The following TXNRD1 variants were observed in gnomAD, a reference collection of about 807,000 sequenced individuals.
TXNRD1 encodes the protein thioredoxin reductase 1, cytoplasmic.
Under a neutral mutation model 80.3 loss-of-function variants are expected in TXNRD1, and 57 were observed. The observed-to-expected ratio is 0.71, with a 90% CI of 0.57 to 0.89. The LOEUF (loss-of-function observed/expected upper bound fraction) is 0.89. Ranked by LOEUF, TXNRD1 falls within the 40% of genes least tolerant of loss-of-function variation. TXNRD1 has a pLI of 0.00. For missense variants in TXNRD1, 730 were observed against 803.0 expected, an observed-to-expected ratio of 0.91 and a Z score of 1.10; for synonymous variants, 291 against 285.2, an observed-to-expected ratio of 1.02 and a Z score of -0.20.
intron 3 of TXNRD1, among the ~76,000 whole-genome samples, chr12:104,261,131 T>C (rs1213424871): frequency 6.6e-6 from 1 of 152,106 alleles, no homozygotes; most frequent in East Asian, 1.9e-4. Context: ...GTCCCGGTGG[T>C]TCCCCAGTTA....
intron 15 of TXNRD1, among the ~76,000 whole-genome samples, chr12:104,337,273 A>G (rs2036170571): frequency 6.6e-6 from 1 of 152,006 alleles, no homozygotes; most frequent in African/African-American, 2.4e-5. Flanking sequence ...TATGCAATAT[A>G]TTACAGTCCT....
chr12:104,258,070 G>A lies in TXNRD1; in HGVS notation c.295G>A (p.Asp99Asn), dbSNP rs2033294214. 4.5e-6 allele frequency: 7 copies of A among 1,550,266 alleles called. No individual in the cohort carries two copies. The highest frequency in any genetic ancestry group is 6.1e-6 in the Non-Finnish European group (7 of 1,145,162). The change falls in exon 3 of 17, where the codon GAT becomes AAT. Residue 99 changes from aspartate to asparagine, a missense_variant. By Grantham distance (23) the Asp-to-Asn change is conservative. Transcript: ENST00000525566. ...LCVPYFVLEL[D>N]QTEDGRALEG... Reference sequence around the variant, plus strand: ...TGTTCCTTATTTTGTGCTTGAACTTGATCAAACAGGTAAGTTTCTGTTTAA... The same window carrying A: ...TGTTCCTTATTTTGTGCTTGAACTTAATCAAACAGGTAAGTTTCTGTTTAA...
In TXNRD1 at chr12:104,266,896, A is replaced by G. The variant is rs538190313; in HGVS notation, c.304+8817A>G. Among the ~76,000 whole-genome samples, 167 of 152,304 alleles carry G rather than the reference A, an allele frequency of 1.1e-3. 1 individual carries two copies. The highest frequency in any genetic ancestry group is 3.8e-3 in the African/African-American group (160 of 41,560). ...AGAATGGTGTGAACCCGGGAGGCGG[A>G]GCTTGCAATAAGCCAAGATCGAGCC... is the stretch of plus-strand genomic sequence containing the variant. On this transcript the variant is annotated intron_variant, in intron 3 of 16. Transcript: ENST00000525566.
At chr12:104,228,980 A>G (rs1048222076) in intron 1 of TXNRD1, among the ~76,000 whole-genome samples, 7 of 151,616 alleles carry the variant, frequency 4.6e-5, no homozygotes, top group African/African-American at 9.7e-5. Flanking sequence ...CGGCCTCCCA[A>G]AGTAGTGGGA....
intron 3 of TXNRD1, among the ~76,000 whole-genome samples, chr12:104,268,562 A>C (rs2033586146): frequency 6.6e-6 from 1 of 151,926 alleles, no homozygotes; most frequent in South Asian, 2.1e-4. Flanking sequence ...CTCTGTCCCC[A>C]GGCTGGAGTA....
At position 104,321,113 on chromosome 12, in the gene TXNRD1, T is replaced by C; in HGVS notation, c.1012T>C (p.Tyr338His). The change falls in exon 10 of 17, where the codon TAC becomes CAC. Residue 338 changes from tyrosine to histidine, a missense_variant. Tyr to His is a moderately conservative substitution (Grantham distance 83). Transcript: ENST00000525566. ...CAGTGATGATCTTTTCTCCTTGCCT[T>C]ACTGCCCGGGTAAGACCCTGGTTGT... is the stretch of plus-strand genomic sequence containing the variant. ...ISSDDLFSLP[Y>H]CPGKTLVVGA... 6.2e-7 allele frequency: 1 copy of C among 1,613,314 alleles called. No homozygotes were observed. The highest frequency in any genetic ancestry group is 8.5e-7 in the Non-Finnish European group (1 of 1,179,524).
intron 7 of TXNRD1, among the ~76,000 whole-genome samples, chr12:104,317,299 G>A (rs2035363258): frequency 6.6e-6 from 1 of 151,554 alleles, no homozygotes. Context: ...CAAGCTTCCT[G>A]CAGCCTTCCC....
In TXNRD1 at chr12:104,241,937, A is replaced by ATTTTTTTTTTTTT. The variant is rs747774973; in HGVS notation, c.92-9581_92-9569dup. Among the ~76,000 whole-genome samples, 18 of 96,082 alleles carry ATTTTTTTTTTTTT rather than the reference A, an allele frequency of 1.9e-4. 1 individual carries two copies. The highest frequency in any genetic ancestry group is 2.1e-4 in the African/African-American group (5 of 23,630). 63.0% of individuals were successfully genotyped at this position (96,082 alleles called of 152,430 possible). On this transcript the variant is annotated intron_variant, in intron 1 of 16. Transcript: ENST00000525566. ...ACATCTTTTATTTTTTATACTAATG[A>ATTTTTTTTTTTTT]TTTTTTTTTTTTTTTTTTTTTGAGA...
chr12:104,283,688 T>G (rs921479930), intron 3 of TXNRD1, among the ~76,000 whole-genome samples: 3 of 151,830 alleles, frequency 2.0e-5, no homozygotes, highest in African/African-American at 4.8e-5. Context: ...CTGACCAACA[T>G]GGAGAAACCC....
chr12:104,284,475 G>A (rs1302050725), intron 3 of TXNRD1: 1 of 152,138 alleles, frequency 6.6e-6, no homozygotes, highest in Non-Finnish European at 1.5e-5. Flanking sequence ...GTGTATGAGA[G>A]AAAGGCTTAT....
chr12:104,234,372 G>A (rs1332239355), intron 1 of TXNRD1, among the ~76,000 whole-genome samples: 1 of 152,132 alleles, frequency 6.6e-6, no homozygotes, highest in Non-Finnish European at 1.5e-5. Context: ...TCAGCTCACT[G>A]CAACCTCTGC....
chr12:104,304,652 G>C (rs773242712), intron 4 of TXNRD1: 1 of 1,613,920 alleles, frequency 6.2e-7, no homozygotes, highest in Admixed American at 1.7e-5. Context: ...TGATACTCCT[G>C]TGTCCTATTT....
chr12:104,254,792 CAG>C (rs1484712187), intron 2 of TXNRD1, among the ~76,000 whole-genome samples: 1 of 151,500 alleles, frequency 6.6e-6, no homozygotes, highest in East Asian at 1.9e-4. Context: ...GCCTTGGTGA[CAG>C]AGTGAGACCC....
intron 3 of TXNRD1, among the ~76,000 whole-genome samples, chr12:104,266,086 C>T (rs1032697595): frequency 2.6e-5 from 4 of 151,814 alleles, no homozygotes; most frequent in South Asian, 4.1e-4. Flanking sequence ...ATATTTTTTC[C>T]TGTATGTTGT....
At chr12:104,290,751 A>ATATATATG (rs1360772111) in intron 4 of TXNRD1, among the ~76,000 whole-genome samples, 1 of 117,526 alleles carries the variant, frequency 8.5e-6, no homozygotes, top group Admixed American at 8.4e-5. Flanking sequence ...ATATATATAT[A>ATATATATG]TATATATGTA....
intron 1 of TXNRD1, among the ~76,000 whole-genome samples, chr12:104,232,788 G>C (rs2032654547): frequency 6.6e-6 from 1 of 152,146 alleles, no homozygotes; most frequent in Admixed American, 6.6e-5. Flanking sequence ...TTCTCAGCAA[G>C]GCAACTTTAC....
At chr12:104,298,055 A>G (rs1347569306) in intron 4 of TXNRD1, among the ~76,000 whole-genome samples, 1 of 152,250 alleles carries the variant, frequency 6.6e-6, no homozygotes, top group African/African-American at 2.4e-5. Context: ...TCTACTCCAA[A>G]GTATTTCAAA....
At chr12:104,242,823 G>A (rs4445711) in intron 1 of TXNRD1, among the ~76,000 whole-genome samples, 109,675 of 151,928 alleles carry the variant, frequency 0.72, 39,664 homozygotes, top group South Asian at 0.77. Flanking sequence ...GATTTCTGGC[G>A]TAATTTCTCT....
At chr12:104,277,492 G>A (rs2135731272) in intron 3 of TXNRD1, among the ~76,000 whole-genome samples, 1 of 152,204 alleles carries the variant, frequency 6.6e-6, no homozygotes, top group South Asian at 2.1e-4. Flanking sequence ...AAACCCAGGA[G>A]TTTGAGGCTG....
Sources: gnomAD v4.1 joint callset for allele counts (sites outside exome capture counted in the v4.1 genomes callset) on GRCh38, gnomAD v4.1.1 for gene constraint, MANE v1.5 for transcripts, NCBI Gene and HGNC (gene_info 2026-07-23, HGNC 2026-07-21) for gene names.